KDM6A: variants seen among roughly 807,000 people sequenced by gnomAD.
KDM6A encodes lysine demethylase 6A, also known as lysine-specific demethylase 6A.
In KDM6A, 11 loss-of-function variants were observed where a neutral mutation model predicts 117.6. The observed-to-expected ratio is 0.09, with a 90% CI of 0.06 to 0.15. The LOEUF (loss-of-function observed/expected upper bound fraction) is 0.15, where lower values mean the gene tolerates loss of function less well. Ranked by LOEUF, KDM6A falls within the 10% of genes least tolerant of loss-of-function variation. The probability of loss-of-function intolerance (pLI) is 1.00; values close to 1 mark genes in which losing one functional copy is unlikely to be tolerated. For missense variants in KDM6A, 799 were observed against 1,077.3 expected (o/e 0.74, Z 3.62); for synonymous variants, 384 against 396.1 (o/e 0.97, Z 0.36).
intron 8 of KDM6A, among the ~76,000 whole-genome samples, chrX:45,050,015 C>A (rs967901004): frequency 1.8e-4 from 20 of 112,523 alleles, no homozygotes; most frequent in African/African-American, 5.8e-4. Flanking sequence ...TTTGGGGGAA[C>A]TAGTTTAGCT....
chrX:44,887,721 G>T (rs1346472398), intron 2 of KDM6A, among the ~76,000 whole-genome samples: 2 of 111,194 alleles, frequency 1.8e-5, no homozygotes, highest in Admixed American at 9.7e-5. Flanking sequence ...TGCTCAAAAT[G>T]CTGGTTTGCT....
chrX:44,897,615 CTG>C (rs965338654), intron 2 of KDM6A, among the ~76,000 whole-genome samples: 6 of 111,499 alleles, frequency 5.4e-5, no homozygotes, highest in African/African-American at 2.0e-4. Flanking sequence ...GTCATCCAGA[CTG>C]GAGTGCAGTG....
chrX:45,054,349 G>T (rs1309273670), intron 10 of KDM6A, among the ~76,000 whole-genome samples: 1 of 111,254 alleles, frequency 9.0e-6, no homozygotes, highest in Non-Finnish European at 1.9e-5. Context: ...ATGACTACTG[G>T]TAGTCAATGG....
chrX:44,995,989 C>T (rs1032779687), intron 4 of KDM6A, among the ~76,000 whole-genome samples: 1 of 111,707 alleles, frequency 9.0e-6, no homozygotes, highest in African/African-American at 3.3e-5. Flanking sequence ...GTACTGCTTT[C>T]TCCATTTTAC....
chrX:44,900,623 G>T (rs969451382), intron 2 of KDM6A, among the ~76,000 whole-genome samples: 8 of 111,995 alleles, frequency 7.1e-5, no homozygotes, highest in African/African-American at 2.6e-4. Flanking sequence ...ATTTGGCCGG[G>T]CGTGGTGGCT....
intron 27 of KDM6A, among the ~76,000 whole-genome samples, chrX:45,099,565 A>G (rs1186734975): frequency 1.8e-5 from 2 of 111,743 alleles, no homozygotes; most frequent in Admixed American, 9.5e-5. Flanking sequence ...AGTATAAACT[A>G]TGTCAGAGAT....
At chrX:45,062,779 G>C (rs745738868) in intron 16 of KDM6A, 31 bp downstream of exon 16, 1 of 978,713 alleles carries the variant, frequency 1.0e-6, no homozygotes, top group South Asian at 2.0e-5. Context: ...CCTGAAATTT[G>C]TTAGCATTTT....
intron 18 of KDM6A, among the ~76,000 whole-genome samples, chrX:45,074,901 A>T (rs2045041775): frequency 8.9e-6 from 1 of 111,860 alleles, no homozygotes; most frequent in South Asian, 3.7e-4. Flanking sequence ...AATGACAGAG[A>T]CAGAATTCTA....
chrX:45,077,276 G>A (rs1247136686), intron 19 of KDM6A, among the ~76,000 whole-genome samples: 3 of 109,990 alleles, frequency 2.7e-5, no homozygotes, highest in Non-Finnish European at 5.7e-5. Context: ...AAACTTAATA[G>A]GTTATTTAAA....
intron 2 of KDM6A, among the ~76,000 whole-genome samples, chrX:44,921,735 A>G (rs899465945): frequency 2.7e-5 from 3 of 110,839 alleles, no homozygotes; most frequent in African/African-American, 6.5e-5. Context: ...ATAGCTGCCA[A>G]TATTTGGCTC....
intron 4 of KDM6A, among the ~76,000 whole-genome samples, chrX:44,995,936 A>G (rs1192965036): frequency 8.9e-6 from 1 of 112,144 alleles, no homozygotes; most frequent in Admixed American, 9.4e-5. Flanking sequence ...AGTATTTTAC[A>G]TGTATCATCT....
intron 2 of KDM6A, among the ~76,000 whole-genome samples, chrX:44,880,035 TG>T (rs1327518979): frequency 9.1e-6 from 1 of 109,624 alleles, no homozygotes; most frequent in African/African-American, 3.3e-5. Flanking sequence ...TAGCCGGGCG[TG>T]GTGGCGTGCA....
chrX:44,951,949 T>G (rs942271481), intron 2 of KDM6A, among the ~76,000 whole-genome samples: 2 of 112,104 alleles, frequency 1.8e-5, no homozygotes, highest in African/African-American at 3.2e-5. Flanking sequence ...ATTGTGAGGA[T>G]TAAAGAATAA....
Position 44,955,870 on chromosome X carries a change from G to A in KDM6A, c.226-5414G>A, listed in dbSNP as rs762513865. Among the ~76,000 whole-genome samples the A allele has an allele frequency of 3.6e-5, 4 of 110,879 alleles. No homozygotes were observed. The East Asian group carries it at 1.1e-3, about 31-fold the overall frequency. On this transcript the variant is annotated intron_variant, in intron 2 of 29. Transcript: ENST00000611820. The stretch of plus-strand genomic sequence containing the variant: ...TGTACTTAGAATCATAGAGTCCAAG[G>A]ATATTTTTTTAAAAATGCAAATTAG...
At chrX:44,939,254 T>A (rs1284044463) in intron 2 of KDM6A, among the ~76,000 whole-genome samples, 2 of 112,588 alleles carry the variant, frequency 1.8e-5, no homozygotes, top group East Asian at 5.5e-4. Context: ...TTGAGAACAC[T>A]TGTGATTCAT....
intron 27 of KDM6A, chrX:45,106,866 C>T (rs1348672168): frequency 4.3e-5 from 10 of 231,891 alleles, no homozygotes; most frequent in South Asian, 4.0e-4. Context: ...TATAGTTAAA[C>T]GAATATTGTA....
chrX:45,102,288 T>C (rs1233598187), intron 27 of KDM6A, among the ~76,000 whole-genome samples: 1 of 111,957 alleles, frequency 8.9e-6, no homozygotes, highest in Non-Finnish European at 1.9e-5. Context: ...GTGAATCTTA[T>C]CAGACAAATT....
chrX:44,905,088 A>G (rs1313782317), intron 2 of KDM6A, among the ~76,000 whole-genome samples: 6 of 112,002 alleles, frequency 5.4e-5, no homozygotes, highest in East Asian at 2.8e-4. Flanking sequence ...CAGGACTACA[A>G]TGTTTTGTTA....
At chrX:44,883,159 C>G (rs1200748400) in intron 2 of KDM6A, among the ~76,000 whole-genome samples, 1 of 108,275 alleles carries the variant, frequency 9.2e-6, no homozygotes, top group Admixed American at 1.0e-4. Flanking sequence ...ACCTCTGCCT[C>G]CCAGGCTCAA....
Sources: allele counts gnomAD v4.1 joint callset (sites outside exome capture counted in the v4.1 genomes callset), GRCh38; gene constraint gnomAD v4.1.1; transcripts MANE v1.5; gene names NCBI Gene and HGNC (gene_info 2026-07-23, HGNC 2026-07-21).